MORN1: variants seen among roughly 807,000 people sequenced by gnomAD.
MORN1 encodes MORN repeat-containing protein 1.
In MORN1, 67 loss-of-function variants were observed where a neutral mutation model predicts 61.9. The observed-to-expected ratio is 1.08, with a 90% CI of 0.89 to 1.33. MORN1 has a LOEUF of 1.33. Among genes scored for constraint, MORN1 ranks in the 40% most tolerant of loss-of-function variants. The pLI is 0.00. For missense variants in MORN1, 752 were observed against 691.2 expected (o/e 1.09, Z -0.99); for synonymous variants, 301 against 292.0 (o/e 1.03, Z -0.31).
chr1:2,364,379 T>C (rs1261990619), intron 8 of MORN1, among the ~76,000 whole-genome samples: 1 of 148,576 alleles, frequency 6.7e-6, no homozygotes, highest in African/African-American at 2.5e-5. Flanking sequence ...TTGAGAAGTG[T>C]CTGTTCATGT....
intron 12 of MORN1, among the ~76,000 whole-genome samples, chr1:2,325,233 TC>T (rs1378862882): frequency 3.5e-5 from 3 of 86,002 alleles, no homozygotes; most frequent in African/African-American, 1.1e-4. Context: ...TCTCTCTTGT[TC>T]CTTCTTCCTC....
In MORN1 at chr1:2,322,593, G is replaced by C. The variant is rs372717977; in HGVS notation, c.1298-1014C>G. ...CACGGTTCTGGGGGGCCTCGCCAGG[G>C]GGACACACGTTCTGCAACCTGGCGG... On this transcript the variant is annotated intron_variant, in intron 13 of 13. Coordinates refer to ENST00000378531, the MANE Select transcript of MORN1 (RefSeq NM_024848.3). The C allele has an allele frequency of 7.2e-5, 71 of 985,332 alleles. No homozygotes were observed. In the African/African-American group the frequency reaches 9.2e-4, roughly 13 times the overall value. 61.0% of individuals were successfully genotyped at this position (985,332 alleles called of 1,614,324 possible).
At chr1:2,342,603 ACTCCCCTG>A (rs1641419009) in intron 10 of MORN1, among the ~76,000 whole-genome samples, 1 of 151,532 alleles carries the variant, frequency 6.6e-6, no homozygotes, top group Non-Finnish European at 1.5e-5. Context: ...GGCCTCTCGG[ACTCCCCTG>A]CTGTCCCCAG....
chr1:2,381,198 C>T (rs190500553), intron 6 of MORN1, among the ~76,000 whole-genome samples: 6 of 152,372 alleles, frequency 3.9e-5, no homozygotes, highest in African/African-American at 1.4e-4. Flanking sequence ...GTCTGGCAGC[C>T]ACGGCTGTGC....
chr1:2,339,638 G>A (rs937764314), intron 10 of MORN1, among the ~76,000 whole-genome samples: 17 of 151,936 alleles, frequency 1.1e-4, no homozygotes, highest in African/African-American at 3.9e-4. Context: ...CCACACCCCC[G>A]CCAGGCCCCA....
At chr1:2,323,623 C>T (rs1313967302) in intron 13 of MORN1, 2 of 985,180 alleles carry the variant, frequency 2.0e-6, no homozygotes, top group African/African-American at 1.7e-5. Context: ...CTTCTCCAGG[C>T]CCTCGCTGCA....
intron 8 of MORN1, among the ~76,000 whole-genome samples, chr1:2,364,333 T>A (rs1038512356): frequency 6.6e-6 from 1 of 152,102 alleles, no homozygotes; most frequent in Non-Finnish European, 1.5e-5. Flanking sequence ...AGCAGAACAT[T>A]TTTTCATGTG....
At chr1:2,379,510 C>A (rs1016382751) in intron 6 of MORN1, among the ~76,000 whole-genome samples, 5 of 152,156 alleles carry the variant, frequency 3.3e-5, no homozygotes, top group Admixed American at 3.3e-4. Context: ...CACAAAGGCA[C>A]TCCACAAAGC....
chr1:2,382,097 G>T (rs1642384768), intron 6 of MORN1, among the ~76,000 whole-genome samples: 1 of 152,226 alleles, frequency 6.6e-6, no homozygotes, highest in Admixed American at 6.5e-5. Flanking sequence ...CTGGGGACAG[G>T]GCTAGGCTGG....
intron 12 of MORN1, among the ~76,000 whole-genome samples, chr1:2,333,196 C>G (rs373084199): frequency 6.6e-6 from 1 of 152,212 alleles, no homozygotes; most frequent in Non-Finnish European, 1.5e-5. Context: ...GCTCCTGGTG[C>G]GTAATTATGC....
At chr1:2,336,379 C>A in intron 12 of MORN1, 90 bp downstream of exon 12, 2 of 1,353,076 alleles carry the variant, frequency 1.5e-6, no homozygotes, top group Non-Finnish European at 2.0e-6. Context: ...CCCTTGGCTC[C>A]CCTGGGCCTT....
chr1:2,351,939 C>A (rs2100291811), intron 10 of MORN1: 1 of 519,766 alleles, frequency 1.9e-6, no homozygotes, highest in South Asian at 1.6e-5. Context: ...CACGGGCCCA[C>A]CAATTGGGCT....
At chr1:2,329,101 G>A (rs1641094537) in intron 12 of MORN1, among the ~76,000 whole-genome samples, 1 of 152,194 alleles carries the variant, frequency 6.6e-6, no homozygotes, top group Admixed American at 6.5e-5. Flanking sequence ...AAAAGCCTGA[G>A]GGGTGTTCCC....
Position 2,367,918 on chromosome 1 carries a change from C to T in MORN1, c.745+4563G>A, listed in dbSNP as rs138791864. On this transcript the variant is annotated intron_variant, in intron 8 of 13. Coordinates refer to ENST00000378531, the MANE Select transcript of MORN1 (RefSeq NM_024848.3). ...TGCTGGGATTACAGGCGTGAGCCAC[C>T]GTGCCTGGCCTAAAAATATAAAATT... 2.2e-4 allele frequency among the ~76,000 whole-genome samples: 34 copies of T among 152,214 alleles called. No homozygotes were observed. In the East Asian group the frequency reaches 3.1e-3, roughly 14 times the overall value.
In MORN1 at chr1:2,388,775, CAA is replaced by C. The variant is rs57362688; in HGVS notation, c.149-440_149-439del. ...CCTGGGCGACAGAGCAAGACTGTCT[CAA>C]AAAAAAAAAAAAAAAAAAAAAAAGA... On this transcript the variant is annotated intron_variant, in intron 2 of 13. Transcript: ENST00000378531. Among the ~76,000 whole-genome samples the C allele has an allele frequency of 2.4e-3, 154 of 64,446 alleles. 1 individual carries two copies. Among genetic ancestry groups the C allele is most frequent in the Non-Finnish European group, 2.9e-3 (110 of 37,742 alleles). 42.3% of individuals were successfully genotyped at this position (64,446 alleles called of 152,430 possible).
chr1:2,363,785 AAAAC>A (rs4013730), intron 8 of MORN1, among the ~76,000 whole-genome samples: 4 of 130,714 alleles, frequency 3.1e-5, no homozygotes, highest in East Asian at 2.2e-4. Context: ...ATCAGTTAGA[AAAAC>A]AAACAAACAA....
Position 2,321,483 on chromosome 1 carries a change from C to G in MORN1, c.1394G>C (p.Arg465Thr), listed in dbSNP as rs142758045. 14 of 1,528,320 alleles carry G rather than the reference C, an allele frequency of 9.2e-6. No individual in the cohort carries two copies. The African/African-American group carries it at 1.7e-4, about 18-fold the overall frequency. The allele number at this position is 1,528,320 out of a possible 1,614,324, so 94.7% of individuals were successfully genotyped here. ...AFKHLRVVAK[R>T]AGQPPHVLEE... ...CAGGACATGGGGTGGCTGGCCAGCC[C>G]TCTTCGCTACGACCCGCAGGTGTTT... The change falls in exon 14 of 14, where the codon AGG (arginine) becomes ACG (threonine). Residue 465 changes from arginine to threonine, a missense_variant. By Grantham distance (71) the Arg-to-Thr change is moderately conservative (BLOSUM62 -1). Transcript: ENST00000378531.
At chr1:2,332,891 A>ACTGGGGCTCGGG (rs1641189476) in intron 12 of MORN1, 2 of 365,894 alleles carry the variant, frequency 5.5e-6, no homozygotes, top group Non-Finnish European at 1.1e-5. Context: ...TCTGTCGGGG[A>ACTGGGGCTCGGG]CTGGGGCTCG....
chr1:2,327,973 G>A (rs962487274), intron 12 of MORN1, among the ~76,000 whole-genome samples: 7 of 152,234 alleles, frequency 4.6e-5, no homozygotes, highest in Non-Finnish European at 7.3e-5. Flanking sequence ...CGAGGAGCCC[G>A]TCACAGGCTT....
Sources: allele counts gnomAD v4.1 joint callset (sites outside exome capture counted in the v4.1 genomes callset), GRCh38; gene constraint gnomAD v4.1.1; transcripts MANE v1.5; gene names NCBI Gene and HGNC (gene_info 2026-07-23, HGNC 2026-07-21).